Variants in EXOC6 observed in about 807,000 individuals in gnomAD.
The protein encoded by EXOC6 is exocyst complex component 6.
In EXOC6, 60 loss-of-function variants were observed where a neutral mutation model predicts 112.5. That is an observed-to-expected ratio of 0.53 (90% CI 0.43 to 0.66). The LOEUF is 0.66. EXOC6 is among the 30% of genes least tolerant of loss of function. EXOC6 has a pLI of 0.00. For missense variants in EXOC6, 855 were observed against 957.1 expected, an observed-to-expected ratio of 0.89 and a Z score of 1.41; for synonymous variants, 295 against 308.0, an observed-to-expected ratio of 0.96 and a Z score of 0.44.
intron 1 of EXOC6, among the ~76,000 whole-genome samples, chr10:92,874,628 T>C (rs1848607352): frequency 6.6e-6 from 1 of 152,046 alleles, no homozygotes; most frequent in Non-Finnish European, 1.5e-5. Context: ...TAAAAAAAAT[T>C]TGTAGTTGTG....
intron 20 of EXOC6, among the ~76,000 whole-genome samples, chr10:93,039,096 A>G (rs1160784510): frequency 6.6e-6 from 1 of 152,196 alleles, no homozygotes; most frequent in East Asian, 1.9e-4. Context: ...AAAGGTCAAT[A>G]GTGACCTCTT....
chr10:92,893,133 G>A (rs1441233538), intron 1 of EXOC6, among the ~76,000 whole-genome samples: 1 of 152,056 alleles, frequency 6.6e-6, no homozygotes, highest in Non-Finnish European at 1.5e-5. Flanking sequence ...TTTATTTCCA[G>A]ATACCTCATG....
At chr10:92,873,837 G>A (rs762668512) in intron 1 of EXOC6, among the ~76,000 whole-genome samples, 10 of 152,016 alleles carry the variant, frequency 6.6e-5, no homozygotes, top group Non-Finnish European at 1.2e-4. Flanking sequence ...GATCACTTGA[G>A]GTCAGGAGTT....
intron 1 of EXOC6, chr10:92,878,199 A>C (rs1564794768): frequency 6.6e-6 from 1 of 152,292 alleles, no homozygotes; most frequent in Non-Finnish European, 1.5e-5. Flanking sequence ...TTGCTACAGT[A>C]CTGATGGTGA....
Position 93,049,218 on chromosome 10 carries a change from C to T in EXOC6, c.2170-7706C>T, listed in dbSNP as rs188009946. On this transcript the variant is annotated intron_variant, in intron 20 of 21. Coordinates refer to ENST00000260762, the MANE Select transcript of EXOC6 (RefSeq NM_019053.6). The stretch of plus-strand genomic sequence containing the variant: ...GACTACAGGTGCCTGCCACCATGCC[C>T]GGCTAATTTTTTATATATTTTTTTA... Among the ~76,000 whole-genome samples the T allele has an allele frequency of 3.7e-4, 57 of 152,112 alleles. No individual in the cohort carries two copies. In the East Asian group the frequency reaches 8.7e-3, roughly 23 times the overall value.
At chr10:92,979,380 T>C (rs1842747310) in intron 18 of EXOC6, among the ~76,000 whole-genome samples, 2 of 152,208 alleles carry the variant, frequency 1.3e-5, no homozygotes, top group Non-Finnish European at 2.9e-5. Flanking sequence ...CTGATGACCA[T>C]TGCCTAGTGA....
chr10:92,885,361 A>G (rs941073957), intron 1 of EXOC6, among the ~76,000 whole-genome samples: 1 of 151,548 alleles, frequency 6.6e-6, no homozygotes, highest in Non-Finnish European at 1.5e-5. Context: ...TTCTCTGTTC[A>G]CATGAAGGTT....
upstream of EXOC6, among the ~76,000 whole-genome samples, chr10:92,845,944 A>C (rs1232261543): frequency 6.6e-6 from 1 of 152,180 alleles, no homozygotes; most frequent in African/African-American, 2.4e-5. Flanking sequence ...GTCTCGAAAA[A>C]ACCAACCAAA....
At chr10:92,983,115 C>A (rs1254579440) in intron 18 of EXOC6, among the ~76,000 whole-genome samples, 1 of 152,216 alleles carries the variant, frequency 6.6e-6, no homozygotes, top group Non-Finnish European at 1.5e-5. Flanking sequence ...TTCCAATTAA[C>A]CGCTATTGTG....
intron 4 of EXOC6, among the ~76,000 whole-genome samples, chr10:92,895,674 A>G (rs1324292685): frequency 6.6e-6 from 1 of 151,838 alleles, no homozygotes; most frequent in Admixed American, 6.6e-5. Context: ...AAGCAGGTAT[A>G]TGACTTTTTT....
intron 18 of EXOC6, among the ~76,000 whole-genome samples, chr10:92,985,296 T>C (rs1279884800): frequency 1.3e-5 from 2 of 152,120 alleles, no homozygotes; most frequent in Admixed American, 1.3e-4. Flanking sequence ...TCCTCATTCA[T>C]ACCTGCAACT....
intron 18 of EXOC6, among the ~76,000 whole-genome samples, chr10:92,989,529 G>C (rs1843146362): frequency 6.6e-6 from 1 of 152,192 alleles, no homozygotes; most frequent in Admixed American, 6.5e-5. Flanking sequence ...TGTAAATTTA[G>C]TAGTGATCAA....
intron 19 of EXOC6, among the ~76,000 whole-genome samples, chr10:93,010,187 T>C (rs1844176609): frequency 6.6e-6 from 1 of 152,222 alleles, no homozygotes. Context: ...ATCAGATCAC[T>C]AAATTGCCTT....
At chr10:93,050,759 C>CAAA (rs58439083) in intron 20 of EXOC6, among the ~76,000 whole-genome samples, 10 of 37,302 alleles carry the variant, frequency 2.7e-4, no homozygotes, top group Admixed American at 1.3e-3. Flanking sequence ...GACTCCGTCT[C>CAAA]AAAAAAAAAA....
intron 17 of EXOC6, among the ~76,000 whole-genome samples, chr10:92,963,298 C>T (rs1231759235): frequency 3.9e-5 from 6 of 152,116 alleles, no homozygotes; most frequent in Admixed American, 3.9e-4. Context: ...TCAGCTGTAT[C>T]TGGGCTGTAG....
intron 1 of EXOC6, among the ~76,000 whole-genome samples, chr10:92,827,849 C>G (rs1387497922): frequency 1.3e-5 from 2 of 152,172 alleles, no homozygotes; most frequent in East Asian, 3.9e-4. Context: ...ACCTCTGGCT[C>G]CACTGGGTTT....
At chr10:92,930,522 T>A (rs1040083924) in intron 9 of EXOC6, among the ~76,000 whole-genome samples, 1 of 150,722 alleles carries the variant, frequency 6.6e-6, no homozygotes, top group Non-Finnish European at 1.5e-5. Flanking sequence ...ATAATAATAA[T>A]AATAAATAGA....
chr10:92,849,242 C>T (rs1022288754), intron 1 of EXOC6, among the ~76,000 whole-genome samples: 6 of 152,164 alleles, frequency 3.9e-5, no homozygotes, highest in African/African-American at 1.4e-4. Context: ...AGAGCAGCTG[C>T]TTGCTGCTTG....
chr10:92,990,777 C>A (rs1843198592), intron 18 of EXOC6, among the ~76,000 whole-genome samples: 1 of 152,126 alleles, frequency 6.6e-6, no homozygotes, highest in African/African-American at 2.4e-5. Context: ...CTCTCCCTCC[C>A]CCAACCCCAG....
Sources: allele counts gnomAD v4.1 joint callset (sites outside exome capture counted in the v4.1 genomes callset), GRCh38; gene constraint gnomAD v4.1.1; transcripts MANE v1.5; gene names NCBI Gene and HGNC (gene_info 2026-07-23, HGNC 2026-07-21).